Variants in CAPN6 observed in about 807,000 individuals in gnomAD.
CAPN6 encodes calpain 6.
CAPN6 carries 16 observed loss-of-function variants against 46.0 expected under a neutral mutation model. The ratio of observed to expected loss-of-function variants is 0.35; its 90% CI spans 0.24 to 0.53. CAPN6 has a LOEUF of 0.53. Among genes scored for constraint, CAPN6 ranks in the 20% least tolerant of loss-of-function variants. The pLI, the probability that CAPN6 is intolerant of heterozygous loss-of-function variation, is 0.94. For missense variants in CAPN6, 461 were observed against 498.0 expected (o/e 0.93, Z 0.71); for synonymous variants, 206 against 172.8 (o/e 1.19, Z -1.51).
intron 2 of CAPN6, among the ~76,000 whole-genome samples, chrX:111,257,667 G>T (rs2094984931): frequency 8.9e-6 from 1 of 112,007 alleles, no homozygotes; most frequent in South Asian, 3.7e-4. Flanking sequence ...TCCTGTTGGG[G>T]TTAAGGATGT....
intron 1 of CAPN6, among the ~76,000 whole-genome samples, chrX:111,268,132 C>A (rs2094993326): frequency 9.0e-6 from 1 of 111,235 alleles, no homozygotes; most frequent in African/African-American, 3.3e-5. Context: ...TAAAAAGGAC[C>A]ACAGAGATCC....
At chrX:111,255,806 G>C (rs1055848891) in intron 2 of CAPN6, among the ~76,000 whole-genome samples, 9 of 111,945 alleles carry the variant, frequency 8.0e-5, no homozygotes, top group Non-Finnish European at 1.3e-4. Flanking sequence ...CTGCCAAAAG[G>C]AGATGGCTAG....
At chrX:111,253,915 C>T (rs1485883412) in intron 3 of CAPN6, among the ~76,000 whole-genome samples, 1 of 111,598 alleles carries the variant, frequency 9.0e-6, no homozygotes, top group African/African-American at 3.3e-5. Context: ...TTATTGACTT[C>T]CTGGCTTCTA....
rs1488045682 is a variant in CAPN6, at chrX:111,251,734, A to G, written c.708T>C (p.Asn236=). 3.1e-5 allele frequency: 37 copies of G among 1,203,689 alleles called. No individual in the cohort carries two copies. The highest frequency in any genetic ancestry group is 4.0e-5 in the Non-Finnish European group (36 of 889,180). ...GLICCSIESP[N]QEEQEVETDW... is the part of the protein sequence containing the mutation. The stretch of plus-strand genomic sequence containing the variant: ...CAGTTTCAACTTCTTGCTCCTCCTG[A>G]TTGGGAGACTGAGAGCAAAGAAAGA... The change falls in exon 6 of 13, where the codon AAT becomes AAC. Residue 236 remains asparagine, a synonymous_variant. Coordinates refer to ENST00000324068, the MANE Select transcript of CAPN6 (RefSeq NM_014289.4).
chrX:111,267,395 C>T (rs894818541), intron 1 of CAPN6, among the ~76,000 whole-genome samples: 1 of 111,091 alleles, frequency 9.0e-6, no homozygotes, highest in Non-Finnish European at 1.9e-5. Flanking sequence ...TGAGGACAAC[C>T]GTGTCTGCCA....
At position 111,252,288 on chromosome X, in the gene CAPN6, G is replaced by GT. The variant is rs2094980239; in HGVS notation, c.699+18dup. The stretch of plus-strand genomic sequence containing the variant: ...TGCCAGGAATGAGTATACAGTGGTT[G>GT]TTTTTCATGAGTACAAACCTCAATG... On this transcript the variant is annotated intron_variant, in intron 5 of 12. Transcript: ENST00000324068. 2.6e-6 allele frequency: 3 copies of GT among 1,158,827 alleles called. No homozygotes were observed. The highest frequency in any genetic ancestry group is 3.0e-5 in the East Asian group (1 of 32,894).
intron 8 of CAPN6, among the ~76,000 whole-genome samples, chrX:111,249,456 T>G (rs751296823): frequency 1.8e-5 from 2 of 111,079 alleles, no homozygotes; most frequent in Non-Finnish European, 3.8e-5. Flanking sequence ...TGACTCAACC[T>G]GACACTACAG....
In CAPN6 at chrX:111,251,264, T is replaced by C. The variant is rs779113961; in HGVS notation, c.916A>G (p.Thr306Ala). 1 of 1,206,019 alleles carries C rather than the reference T, an allele frequency of 8.3e-7. No homozygotes were observed. Among genetic ancestry groups the C allele is most frequent in the Non-Finnish European group, 1.1e-6 (1 of 893,286 alleles). ...SEISEEWQQL[T>A]ASDRKNLGLV... The stretch of plus-strand genomic sequence containing the variant: ...CCCAGGTTCTTGCGATCTGATGCAG[T>C]CAGTTGCTGCCACTCTTCAGAACTG... Residue 306 changes from threonine to alanine, a missense_variant, in exon 7 of 13, where the codon ACT becomes GCT. By Grantham distance (58) the Thr-to-Ala change is moderately conservative. Transcript: ENST00000324068.
chrX:111,251,407 G>A, intron 6 of CAPN6, 121 bp from the exon 7 acceptor site: 1 of 919,731 alleles, frequency 1.1e-6, no homozygotes, highest in Non-Finnish European at 1.5e-6. Context: ...TATTTCATCT[G>A]CGGCTGGGTC....
In CAPN6 at chrX:111,246,670, C is replaced by A. The variant is rs2094974793; in HGVS notation, c.1833G>T (p.Leu611=). ...TTGGACCACCCTTCTTACGCAGGTA[C>A]AGAGACTTCAGATCACGGCAGTCGC... ...DPSDCRDLKS[L]YLRKKGGPTA... is the part of the protein sequence containing the mutation. The change falls in exon 13 of 13, where the codon CTG becomes CTT. Residue 611 remains leucine (L), a synonymous_variant. Transcript: ENST00000324068. 1 of 1,208,286 alleles carries A rather than the reference C, an allele frequency of 8.3e-7. No homozygotes were observed. The highest frequency in any genetic ancestry group is 1.1e-6 in the Non-Finnish European group (1 of 894,125).
intron 2 of CAPN6, among the ~76,000 whole-genome samples, chrX:111,258,914 C>T (rs17880995): frequency 0.015 from 1,634 of 112,179 alleles, 14 homozygotes; most frequent in Non-Finnish European, 0.022. Flanking sequence ...CTCTTGAGAA[C>T]ATTATGCTAA....
Position 111,254,198 on chromosome X carries a change from T to A in CAPN6, c.297+74A>T, listed in dbSNP as rs2094981934. Reference sequence around the variant, plus strand: ...ACAACAATCTAAGGAAGTTATGCGCTGATTTTTTTCCTAAAGTTATTAAAG... The same window carrying A: ...ACAACAATCTAAGGAAGTTATGCGCAGATTTTTTTCCTAAAGTTATTAAAG... On this transcript the variant is annotated intron_variant, in intron 3 of 12. Transcript: ENST00000324068. 3 of 1,104,005 alleles carry A rather than the reference T, an allele frequency of 2.7e-6. No homozygotes were observed. The East Asian group carries it at 9.3e-5, about 34-fold the overall frequency. 91.0% of individuals were successfully genotyped at this position (1,104,005 alleles called of 1,213,427 possible). A position where few individuals can be genotyped will look rare whatever the true frequency, so the allele number is the denominator to read the frequency against.
chrX:111,263,943 G>A lies in CAPN6; in HGVS notation c.-7C>T. 8.6e-7 allele frequency: 1 copy of A among 1,163,140 alleles called. No homozygotes were observed. Reference sequence around the variant, plus strand: ...GCTTCAGAGGAGGACCCATAGTGTTGAACTATGCCTAGAATGAGGAAAATT... The same window carrying A: ...GCTTCAGAGGAGGACCCATAGTGTTAAACTATGCCTAGAATGAGGAAAATT... On this transcript the variant is annotated 5_prime_UTR_variant, in exon 2 of 13. Transcript: ENST00000324068.
At chrX:111,267,075 T>C (rs954065565) in intron 1 of CAPN6, among the ~76,000 whole-genome samples, 2 of 111,914 alleles carry the variant, frequency 1.8e-5, no homozygotes, top group African/African-American at 6.5e-5. Context: ...GAACACTCCC[T>C]CCTTTCTGTT....
Position 111,248,677 on chromosome X carries a change from C to T in CAPN6, c.1376G>A (p.Ser459Asn). ...TYIDTRTVFLSKYLKKGNYVL... is the reference protein window; with the variant it reads ...TYIDTRTVFLNKYLKKGNYVL... ...ATAGTTGCCCTTCTTCAGGTACTTG[C>T]TCAGAAACACTGTGCGGGTGTCAAT... Residue 459 changes from serine (S) to asparagine (N), a missense_variant, in exon 10 of 13, where the codon AGC becomes AAC. By Grantham distance (46) the Ser-to-Asn change is conservative (BLOSUM62 1). Coordinates refer to ENST00000324068, the MANE Select transcript of CAPN6 (RefSeq NM_014289.4). 8.3e-7 allele frequency: 1 copy of T among 1,210,117 alleles called. No homozygotes were observed. Among genetic ancestry groups the T allele is most frequent in the African/African-American group, 1.7e-5 (1 of 57,683 alleles).
chrX:111,266,385 G>A (rs1325089244), intron 1 of CAPN6, among the ~76,000 whole-genome samples: 1 of 111,214 alleles, frequency 9.0e-6, no homozygotes, highest in Non-Finnish European at 1.9e-5. Context: ...TACACCATGG[G>A]TGTACCTAAT....
Position 111,246,633 on chromosome X carries a change from T to G in CAPN6, c.1870A>C (p.Lys624Gln). Residue 624 changes from lysine to glutamine, a missense_variant, in exon 13 of 13, where the codon AAG becomes CAG. Transcript: ENST00000324068. Reference sequence around the variant, plus strand: ...ACCTTGAAGCTGATGTGGCCTTGCTTGACTTTGGCAGTTGGACCACCCTTC... The same window carrying G: ...ACCTTGAAGCTGATGTGGCCTTGCTGGACTTTGGCAGTTGGACCACCCTTC... ...RKKGGPTAKV[K>Q]QGHISFKVIS... is the part of the protein sequence containing the mutation. 1 of 1,211,373 alleles carries G rather than the reference T, an allele frequency of 8.3e-7. No individual in the cohort carries two copies. The highest frequency in any genetic ancestry group is 1.1e-6 in the Non-Finnish European group (1 of 895,205).
At chrX:111,267,282 G>C (rs1296699144) in intron 1 of CAPN6, among the ~76,000 whole-genome samples, 1 of 107,838 alleles carries the variant, frequency 9.3e-6, no homozygotes, top group Non-Finnish European at 1.9e-5. Flanking sequence ...AGGGCTAGTG[G>C]AATGAGCGGT....
Position 111,253,155 on chromosome X carries a change from A to C in CAPN6, c.359T>G (p.Ile120Arg). ...DPQKTEKYAG[I>R]FHFRFWHFGE... ...AAAATGCCAGAAACGAAAGTGAAAT[A>C]TCCCAGCGTATTTTTCTGTTTTTTG... Residue 120 changes from isoleucine (I) to arginine (R), a missense_variant, in exon 4 of 13, where the codon ATA (isoleucine) becomes AGA (arginine). By Grantham distance (97) the Ile-to-Arg change is moderately conservative. Coordinates refer to ENST00000324068, the MANE Select transcript of CAPN6 (RefSeq NM_014289.4). 1 of 1,211,342 alleles carries C rather than the reference A, an allele frequency of 8.3e-7. No homozygotes were observed. The highest frequency in any genetic ancestry group is 1.1e-6 in the Non-Finnish European group (1 of 895,034).
Sources: allele counts gnomAD v4.1 joint callset (sites outside exome capture counted in the v4.1 genomes callset), GRCh38; gene constraint gnomAD v4.1.1; transcripts MANE v1.5; gene names NCBI Gene and HGNC (gene_info 2026-07-23, HGNC 2026-07-21).